Variants in NNMT observed in about 807,000 individuals in gnomAD.
The protein encoded by NNMT is nicotinamide N-methyltransferase.
In NNMT, 10 loss-of-function variants were observed where a neutral mutation model predicts 11.7. The observed-to-expected ratio is 0.85, with a 90% confidence interval of 0.53 to 1.45. The LOEUF (loss-of-function observed/expected upper bound fraction) is 1.45, where lower values mean the gene tolerates loss of function less well. Ranked by LOEUF, NNMT falls within the 40% of genes most tolerant of loss-of-function variation. NNMT has a pLI of 0.00. For missense variants in NNMT, 381 were observed against 319.4 expected (o/e 1.19, Z -1.47); for synonymous variants, 143 against 133.8 (o/e 1.07, Z -0.48).
chr11:114,299,443 A>G (rs1330060110), intron 2 of NNMT, among the ~76,000 whole-genome samples: 4 of 152,234 alleles, frequency 2.6e-5, no homozygotes. Context: ...AGTGGCATAA[A>G]CTACTTGGTC....
chr11:114,310,451 C>A lies in NNMT; in HGVS notation c.363-1594C>A, dbSNP rs550561643. ...ATGTTTGCAAAGAAGTGATTATATTCGCTAGGATTAAGATTTTAAGTGAAT... is the reference window on the plus strand; with the variant it reads ...ATGTTTGCAAAGAAGTGATTATATTAGCTAGGATTAAGATTTTAAGTGAAT... On this transcript the variant is annotated intron_variant, in intron 2 of 2. Coordinates refer to ENST00000299964, the MANE Select transcript of NNMT (RefSeq NM_006169.3). Among the ~76,000 whole-genome samples the A allele has an allele frequency of 1.3e-4, 20 of 152,296 alleles. No homozygotes were observed. In the South Asian group the frequency reaches 3.3e-3, roughly 25 times the overall value.
chr11:114,296,554 A>T lies in NNMT; in HGVS notation c.-3A>T, dbSNP rs550782703. On this transcript the variant is annotated 5_prime_UTR_variant, in exon 1 of 3. Transcript: ENST00000299964. ...TGCTCCAGTGGTACAGAAGTGAGAC[A>T]TAATGGAATCAGGCTTCACCTCCAA... 1.7e-5 allele frequency: 27 copies of T among 1,613,748 alleles called. No individual in the cohort carries two copies. The East Asian group carries it at 5.1e-4, about 31-fold the overall frequency.
intron 2 of NNMT, among the ~76,000 whole-genome samples, chr11:114,299,398 T>A (rs1447326566): frequency 6.6e-6 from 1 of 152,238 alleles, no homozygotes; most frequent in African/African-American, 2.4e-5. Flanking sequence ...TCTGAAAATG[T>A]GAATTACATT....
At chr11:114,306,931 C>G (rs1414249411) in intron 2 of NNMT, among the ~76,000 whole-genome samples, 1 of 152,156 alleles carries the variant, frequency 6.6e-6, no homozygotes, top group East Asian at 1.9e-4. Context: ...CACAGTTGTG[C>G]CAAATGTGTT....
intron 2 of NNMT, among the ~76,000 whole-genome samples, chr11:114,283,092 C>T (rs1945273467): frequency 6.6e-6 from 1 of 152,054 alleles, no homozygotes; most frequent in Non-Finnish European, 1.5e-5. Flanking sequence ...ACTGGTATAG[C>T]CTTGCTGGGG....
intron 2 of NNMT, among the ~76,000 whole-genome samples, chr11:114,274,802 C>G (rs1009709333): frequency 3.3e-5 from 5 of 152,194 alleles, no homozygotes; most frequent in Non-Finnish European, 7.3e-5. Context: ...TGATGGCAGG[C>G]AACCGTTCTG....
chr11:114,311,699 A>G (rs1945550190), intron 2 of NNMT, among the ~76,000 whole-genome samples: 1 of 152,184 alleles, frequency 6.6e-6, no homozygotes, highest in Admixed American at 6.5e-5. Context: ...ATAATAACCT[A>G]TAAATACTAA....
At chr11:114,291,815 C>G (rs1945337371), upstream of NNMT, among the ~76,000 whole-genome samples, 1 of 152,150 alleles carries the variant, frequency 6.6e-6, no homozygotes, top group East Asian at 1.9e-4. Context: ...CACCTTTACT[C>G]TCTTAGCCAT....
At chr11:114,258,420 G>GC (rs907520684) in intron 1 of NNMT, among the ~76,000 whole-genome samples, 2 of 152,228 alleles carry the variant, frequency 1.3e-5, no homozygotes, top group Non-Finnish European at 2.9e-5. Flanking sequence ...GCAAGTTGCA[G>GC]CCCGTGAGAA....
At chr11:114,262,874 C>G (rs1358083679) in exon 2 of NNMT, 1 of 152,234 alleles carries the variant, frequency 6.6e-6, no homozygotes, top group Non-Finnish European at 1.5e-5. Context: ...GAGTGAGCTT[C>G]TAGTGACACG....
chr11:114,304,035 C>T (rs17116804), intron 2 of NNMT, among the ~76,000 whole-genome samples: 11,936 of 152,078 alleles, frequency 0.078, 561 homozygotes, highest in Middle Eastern at 0.15. Flanking sequence ...TTTCATACAC[C>T]TTTTTTTTCT....
intron 2 of NNMT, among the ~76,000 whole-genome samples, chr11:114,272,230 C>T (rs1293603554): frequency 2.0e-5 from 3 of 152,140 alleles, no homozygotes; most frequent in Admixed American, 2.0e-4. Flanking sequence ...GAGCCCATAG[C>T]CCGCCTGGAC....
At chr11:114,298,196 T>C (rs1945403749) in intron 2 of NNMT, 38 bp downstream of exon 2, 1 of 1,580,430 alleles carries the variant, frequency 6.3e-7, no homozygotes, top group Non-Finnish European at 8.7e-7. Context: ...CTTTTGAAGG[T>C]ACCTGAGTGA....
chr11:114,280,825 G>A (rs1324836549), intron 2 of NNMT, among the ~76,000 whole-genome samples: 1 of 152,162 alleles, frequency 6.6e-6, no homozygotes, highest in Admixed American at 6.5e-5. Context: ...CAGGGCCAGT[G>A]GGGTGGGAGG....
At chr11:114,301,932 C>T (rs920474365) in intron 2 of NNMT, among the ~76,000 whole-genome samples, 21 of 152,028 alleles carry the variant, frequency 1.4e-4, no homozygotes, top group African/African-American at 4.6e-4. Context: ...AACCAAATTT[C>T]CCCCAGTTGA....
intron 1 of NNMT, among the ~76,000 whole-genome samples, chr11:114,260,085 C>G (rs1018185307): frequency 6.6e-6 from 1 of 152,200 alleles, no homozygotes; most frequent in African/African-American, 2.4e-5. Flanking sequence ...CACAACAGCT[C>G]ACCAAGCAGA....
intron 2 of NNMT, among the ~76,000 whole-genome samples, chr11:114,308,232 G>A (rs960006107): frequency 3.9e-5 from 6 of 152,110 alleles, no homozygotes; most frequent in African/African-American, 1.4e-4. Flanking sequence ...TTCCTTGCCC[G>A]TACAATTCTC....
chr11:114,297,688 T>C (rs1489315097), intron 1 of NNMT, among the ~76,000 whole-genome samples: 2 of 152,172 alleles, frequency 1.3e-5, no homozygotes, highest in Non-Finnish European at 2.9e-5. Flanking sequence ...GGTCTCACTA[T>C]GTTGTCCAGG....
At chr11:114,274,243 T>C (rs1325783441) in intron 2 of NNMT, among the ~76,000 whole-genome samples, 1 of 152,244 alleles carries the variant, frequency 6.6e-6, no homozygotes, top group East Asian at 1.9e-4. Flanking sequence ...CTCAGAGCCA[T>C]GCTTCGATAC....
Sources: gnomAD v4.1 joint callset for allele counts (sites outside exome capture counted in the v4.1 genomes callset) on GRCh38, gnomAD v4.1.1 for gene constraint, MANE v1.5 for transcripts, NCBI Gene and HGNC (gene_info 2026-07-23, HGNC 2026-07-21) for gene names.